Variants in LRP1B observed in about 807,000 individuals in gnomAD.
LRP1B encodes the protein low-density lipoprotein receptor-related protein 1B.
A neutral mutation model predicts 556.6 loss-of-function variants in LRP1B; 217 were observed. The observed-to-expected ratio is 0.39, with a 90% CI of 0.35 to 0.44. LRP1B has a LOEUF of 0.44. Among genes scored for constraint, LRP1B ranks in the 20% least tolerant of loss-of-function variants. The pLI is 1.00. For synonymous variants in LRP1B, 2,047 were observed against 1,865.8 expected (o/e 1.10, Z -2.50); for missense variants, 5,053 against 5,620.8 (o/e 0.90, Z 3.23).
intron 3 of LRP1B, among the ~76,000 whole-genome samples, chr2:141,274,637 T>C (rs1685215820): frequency 6.6e-6 from 1 of 152,182 alleles, no homozygotes; most frequent in Non-Finnish European, 1.5e-5. Context: ...CAGTGATGGT[T>C]GCACAACTAT....
chr2:141,762,019 C>G (rs911369996), intron 2 of LRP1B, among the ~76,000 whole-genome samples: 27 of 152,176 alleles, frequency 1.8e-4, no homozygotes, highest in African/African-American at 6.0e-4. Flanking sequence ...ATTTTCACAG[C>G]AATCTTTTCT....
chr2:140,899,727 T>A, intron 23 of LRP1B, among the ~76,000 whole-genome samples: 1 of 152,254 alleles, frequency 6.6e-6, no homozygotes, highest in South Asian at 2.1e-4. Flanking sequence ...AATACAACAC[T>A]AAAAAATGTT....
At chr2:141,407,005 G>C (rs1258744074) in intron 3 of LRP1B, among the ~76,000 whole-genome samples, 1 of 151,984 alleles carries the variant, frequency 6.6e-6, no homozygotes, top group African/African-American at 2.4e-5. Flanking sequence ...TTTTCAAAAA[G>C]GATCACATCT....
intron 1 of LRP1B, among the ~76,000 whole-genome samples, chr2:141,915,559 G>A (rs1057095539): frequency 7.2e-5 from 11 of 151,750 alleles, no homozygotes; most frequent in Admixed American, 7.2e-4. Context: ...AAAAGAAATT[G>A]CAACAAAAAC....
At chr2:141,394,849 G>A (rs1017601721) in intron 3 of LRP1B, among the ~76,000 whole-genome samples, 3 of 152,050 alleles carry the variant, frequency 2.0e-5, no homozygotes, top group African/African-American at 7.2e-5. Context: ...AACTAGTCAT[G>A]TGACTCTAAA....
chr2:141,134,872 C>T (rs1309699240), intron 7 of LRP1B, among the ~76,000 whole-genome samples: 1 of 151,626 alleles, frequency 6.6e-6, no homozygotes, highest in African/African-American at 2.4e-5. Context: ...GTTATTACCA[C>T]TGATGCAAAG....
At chr2:141,078,742 C>A (rs931539381) in intron 7 of LRP1B, among the ~76,000 whole-genome samples, 9 of 152,072 alleles carry the variant, frequency 5.9e-5, no homozygotes, top group Non-Finnish European at 5.9e-5. Flanking sequence ...AGTATTATAT[C>A]AATAGTGGGT....
chr2:141,053,920 A>G (rs1444583910), intron 10 of LRP1B, among the ~76,000 whole-genome samples: 8 of 151,904 alleles, frequency 5.3e-5, no homozygotes, highest in Non-Finnish European at 1.2e-4. Flanking sequence ...GTACCCACAC[A>G]CAAAACTTCT....
intron 9 of LRP1B, among the ~76,000 whole-genome samples, chr2:141,055,801 AATGTG>A (rs1351907529): frequency 1.6e-4 from 11 of 70,274 alleles, no homozygotes; most frequent in South Asian, 6.8e-4. Flanking sequence ...CTTACCACAA[AATGTG>A]TGTGTGTGTG....
At chr2:140,684,498 A>G (rs1361578902) in intron 41 of LRP1B, among the ~76,000 whole-genome samples, 1 of 152,216 alleles carries the variant, frequency 6.6e-6, no homozygotes, top group Non-Finnish European at 1.5e-5. Flanking sequence ...TTGCCAGTTC[A>G]TCTTACAACG....
intron 1 of LRP1B, among the ~76,000 whole-genome samples, chr2:141,995,978 A>C (rs950262802): frequency 5.3e-5 from 8 of 152,132 alleles, no homozygotes; most frequent in African/African-American, 1.7e-4. Context: ...AGTAGGCAGG[A>C]AGCGGTGGCT....
rs2105059654 is a variant in LRP1B at position 140,324,055 on chromosome 2, G to A, written c.12352C>T (p.Pro4118Ser). 6.2e-7 allele frequency: 1 copy of A among 1,602,550 alleles called. No individual in the cohort carries two copies. The highest frequency in any genetic ancestry group is 8.5e-7 in the Non-Finnish European group (1 of 1,172,034). ...SVSSKQGLLH[P>S]HRIDIFEDYI... ...TCTTCAAAGATATCGATCCTATGTGGATGTAATAAACCTGGAATTTTAAAA... is the reference window on the plus strand; with the variant it reads ...TCTTCAAAGATATCGATCCTATGTGAATGTAATAAACCTGGAATTTTAAAA... The change falls in exon 81 of 91, where the codon CCA becomes TCA. Residue 4118 changes from proline (P) to serine (S), a missense_variant. Transcript: ENST00000389484.
At chr2:140,543,374 G>C (rs969581152) in intron 43 of LRP1B, among the ~76,000 whole-genome samples, 14 of 151,736 alleles carry the variant, frequency 9.2e-5, no homozygotes, top group Admixed American at 3.9e-4. Flanking sequence ...TAAAAACTGG[G>C]TTTTTTTATG....
chr2:140,821,143 T>A (rs1691315567), intron 31 of LRP1B, among the ~76,000 whole-genome samples: 1 of 152,142 alleles, frequency 6.6e-6, no homozygotes, highest in South Asian at 2.1e-4. Flanking sequence ...TATCAGTGAT[T>A]TTTTTCCTTC....
intron 31 of LRP1B, among the ~76,000 whole-genome samples, chr2:140,816,043 T>C (rs1691110679): frequency 6.6e-6 from 1 of 152,192 alleles, no homozygotes. Context: ...GACTATTTAG[T>C]TAATTCCATC....
intron 41 of LRP1B, among the ~76,000 whole-genome samples, chr2:140,691,949 T>C (rs1275924440): frequency 6.6e-6 from 1 of 152,160 alleles, no homozygotes; most frequent in African/African-American, 2.4e-5. Context: ...TAGCTATTGT[T>C]GAAAGTATAT....
chr2:141,902,122 A>C (rs1699635456), intron 1 of LRP1B, among the ~76,000 whole-genome samples: 1 of 151,658 alleles, frequency 6.6e-6, no homozygotes, highest in African/African-American at 2.4e-5. Context: ...ATCAGTACAA[A>C]AAGTAATAAT....
rs112552713 is a variant in LRP1B at position 141,976,644 on chromosome 2, T to C, written c.82+154004A>G. Among the ~76,000 whole-genome samples the C allele has an allele frequency of 9.3e-3, 1,411 of 152,244 alleles. 24 individuals carry two copies. Among genetic ancestry groups the C allele is most frequent in the African/African-American group, 0.033 (1,352 of 41,554 alleles). On this transcript the variant is annotated intron_variant, in intron 1 of 90. Transcript: ENST00000389484. ...TATAGTGATTCCCAAGTATTCACCA[T>C]TTACCACTACCTCCTGTACTCCAAC... is the stretch of plus-strand genomic sequence containing the variant.
At chr2:142,042,892 C>T (rs1704112772) in intron 1 of LRP1B, among the ~76,000 whole-genome samples, 1 of 151,450 alleles carries the variant, frequency 6.6e-6, no homozygotes, top group South Asian at 2.1e-4. Context: ...TGAAAAATAC[C>T]TTCATTCCAG....
Sources: allele counts gnomAD v4.1 joint callset (sites outside exome capture counted in the v4.1 genomes callset), GRCh38; gene constraint gnomAD v4.1.1; transcripts MANE v1.5; gene names NCBI Gene and HGNC (gene_info 2026-07-23, HGNC 2026-07-21).